The following GRIP1 variants were observed in gnomAD, a reference collection of about 807,000 sequenced individuals.
GRIP1 encodes the protein glutamate receptor interacting protein 1, also known as glutamate receptor-interacting protein 1.
GRIP1 carries 45 observed loss-of-function variants against 129.9 expected under a neutral mutation model. That is an observed-to-expected ratio of 0.35 (90% CI 0.27 to 0.44). The LOEUF (loss-of-function observed/expected upper bound fraction) is 0.44, where lower values mean the gene tolerates loss of function less well. GRIP1 is among the 20% of genes least tolerant of loss of function. The pLI, the probability that GRIP1 is intolerant of heterozygous loss-of-function variation, is 1.00. For missense variants in GRIP1, 1,196 were observed against 1,396.8 expected, an observed-to-expected ratio of 0.86 and a Z score of 2.29; for synonymous variants, 530 against 520.8, an observed-to-expected ratio of 1.02 and a Z score of -0.24.
intron 1 of GRIP1, among the ~76,000 whole-genome samples, chr12:67,062,969 C>T (rs987422605): frequency 6.6e-6 from 1 of 152,122 alleles, no homozygotes; most frequent in Non-Finnish European, 1.5e-5. Context: ...TGTTAACAGA[C>T]CTATATAAAC....
At chr12:66,794,632 T>C (rs2038643629) in intron 1 of GRIP1, among the ~76,000 whole-genome samples, 1 of 152,160 alleles carries the variant, frequency 6.6e-6, no homozygotes, top group Non-Finnish European at 1.5e-5. Flanking sequence ...GAGTTAGACA[T>C]TTTCTCTCTT....
chr12:66,782,182 A>C (rs1311471473), intron 1 of GRIP1, among the ~76,000 whole-genome samples: 1 of 152,152 alleles, frequency 6.6e-6, no homozygotes, highest in African/African-American at 2.4e-5. Flanking sequence ...GAATCTGTGC[A>C]CTTTTTATAT....
At chr12:66,521,374 ATTC>A (rs1362710075) in intron 5 of GRIP1, among the ~76,000 whole-genome samples, 1 of 152,226 alleles carries the variant, frequency 6.6e-6, no homozygotes, top group African/African-American at 2.4e-5. Flanking sequence ...CATCTCTTTT[ATTC>A]TTTGATGCAT....
chr12:66,955,509 T>G (rs1276085552), intron 1 of GRIP1, among the ~76,000 whole-genome samples: 1 of 145,034 alleles, frequency 6.9e-6, no homozygotes, highest in Admixed American at 6.9e-5. Flanking sequence ...TTTTGGTTTT[T>G]TTTTTTTTTT....
intron 2 of GRIP1, among the ~76,000 whole-genome samples, chr12:66,559,533 C>A (rs2062446653): frequency 6.6e-6 from 1 of 152,044 alleles, no homozygotes; most frequent in Non-Finnish European, 1.5e-5. Context: ...TATATGCCAA[C>A]AGTGAACAAT....
intron 7 of GRIP1, among the ~76,000 whole-genome samples, chr12:66,487,033 C>A (rs952151737): frequency 6.6e-6 from 1 of 152,062 alleles, no homozygotes. Flanking sequence ...TCAAGTGATC[C>A]TCCCAACTCA....
intron 1 of GRIP1, among the ~76,000 whole-genome samples, chr12:66,619,423 T>C (rs1340584932): frequency 6.6e-6 from 1 of 152,038 alleles, no homozygotes; most frequent in Non-Finnish European, 1.5e-5. Context: ...ACGGGTAGAT[T>C]TCCTTGCCCT....
At chr12:66,700,362 G>A (rs1372488461) in intron 1 of GRIP1, among the ~76,000 whole-genome samples, 6 of 152,014 alleles carry the variant, frequency 3.9e-5, no homozygotes, top group South Asian at 2.1e-4. Context: ...GATGGGCTGC[G>A]GAGCACATAG....
Position 66,756,893 on chromosome 12 carries a change from T to C in GRIP1, c.-420+47160A>G, listed in dbSNP as rs2037306416. Among the ~76,000 whole-genome samples, 6 of 152,170 alleles carry C rather than the reference T, an allele frequency of 3.9e-5. No homozygotes were observed. In the South Asian group the frequency reaches 1.2e-3, roughly 32 times the overall value. ...CTGCCACTAACCATGTGGTGCTAGA[T>C]AACCGCCACTATCTCAGTCAAATCC... On this transcript the variant is annotated intron_variant, in intron 1 of 4. Transcript: ENST00000538373.
chr12:66,385,475 G>A (rs940781410), intron 19 of GRIP1, among the ~76,000 whole-genome samples: 4 of 152,120 alleles, frequency 2.6e-5, no homozygotes, highest in African/African-American at 9.7e-5. Context: ...GGCAGAGGTT[G>A]CAGTGAGCCA....
At chr12:66,664,216 G>A (rs2033670111) in intron 1 of GRIP1, among the ~76,000 whole-genome samples, 2 of 151,960 alleles carry the variant, frequency 1.3e-5, no homozygotes, top group South Asian at 4.1e-4. Flanking sequence ...GGGAAACACT[G>A]AGCTAGAGCT....
At chr12:66,892,421 T>C (rs1264474533) in intron 1 of GRIP1, among the ~76,000 whole-genome samples, 1 of 152,148 alleles carries the variant, frequency 6.6e-6, no homozygotes, top group African/African-American at 2.4e-5. Flanking sequence ...TCACAAGAAA[T>C]GGCAAAAACA....
At chr12:66,358,835 A>G (rs2054613561) in intron 23 of GRIP1, among the ~76,000 whole-genome samples, 1 of 152,202 alleles carries the variant, frequency 6.6e-6, no homozygotes, top group Non-Finnish European at 1.5e-5. Flanking sequence ...AAGGGAAAAA[A>G]TGAGAAGGAG....
intron 1 of GRIP1, among the ~76,000 whole-genome samples, chr12:66,809,813 C>T (rs938919011): frequency 6.6e-6 from 1 of 151,980 alleles, no homozygotes; most frequent in Non-Finnish European, 1.5e-5. Context: ...GCATGTCTCA[C>T]CACATACAGC....
intron 1 of GRIP1, among the ~76,000 whole-genome samples, chr12:66,690,629 G>A (rs11176381): frequency 0.021 from 3,215 of 151,484 alleles, 122 homozygotes; most frequent in African/African-American, 0.074. Context: ...AATCTGGGAC[G>A]TCAAGTCAGG....
In GRIP1 at chr12:66,912,568, C is replaced by T. The variant is rs147048864; in HGVS notation, c.58+156482G>A. Reference sequence around the variant, plus strand: ...TAAGGGAAAAACAAATATTTTATTACTATATTTCAAACAGACTTTATCAAG... The same window carrying T: ...TAAGGGAAAAACAAATATTTTATTATTATATTTCAAACAGACTTTATCAAG... On this transcript the variant is annotated intron_variant, in intron 1 of 1. Coordinates refer to the GRIP1 transcript ENST00000643019. Among the ~76,000 whole-genome samples the T allele has an allele frequency of 8.8e-3, 1,344 of 152,098 alleles. 9 individuals are homozygous for T. Among genetic ancestry groups the T allele is most frequent in the Admixed American group, 0.018 (273 of 15,278 alleles).
Position 66,353,359 on chromosome 12 carries a change from A to G in GRIP1, c.3159+58T>C, listed in dbSNP as rs535621137. Reference sequence around the variant, plus strand: ...GCCCCAAATATGCAGGAGGATGTGGAGGAAGCTCCCAGTGAGAAATTACTT... The same window carrying G: ...GCCCCAAATATGCAGGAGGATGTGGGGGAAGCTCCCAGTGAGAAATTACTT... On this transcript the variant is annotated intron_variant, in intron 24 of 24. Coordinates refer to ENST00000359742, the MANE Select transcript of GRIP1 (RefSeq NM_001366722.1). The G allele has an allele frequency of 2.5e-6, 3 of 1,216,194 alleles. No homozygotes were observed. In the African/African-American group the frequency reaches 4.5e-5, roughly 18 times the overall value. The allele number at this position is 1,216,194 out of a possible 1,614,324, so 75.3% of individuals were successfully genotyped here.
intron 1 of GRIP1, among the ~76,000 whole-genome samples, chr12:66,986,063 T>C (rs1187814887): frequency 6.6e-6 from 1 of 152,182 alleles, no homozygotes; most frequent in Non-Finnish European, 1.5e-5. Flanking sequence ...TCTAATACAT[T>C]ACTTAACTCA....
At chr12:66,619,142 A>G (rs2065162738) in intron 1 of GRIP1, among the ~76,000 whole-genome samples, 2 of 152,154 alleles carry the variant, frequency 1.3e-5, no homozygotes, top group Admixed American at 6.6e-5. Flanking sequence ...ACAAAATAAG[A>G]TAAACTAGAA....
Sources: gnomAD v4.1 joint callset for allele counts (sites outside exome capture counted in the v4.1 genomes callset) on GRCh38, gnomAD v4.1.1 for gene constraint, MANE v1.5 for transcripts, NCBI Gene and HGNC (gene_info 2026-07-23, HGNC 2026-07-21) for gene names.